RCAN1: variants seen among roughly 807,000 people sequenced by gnomAD.
RCAN1 encodes the protein regulator of calcineurin 1.
A neutral mutation model predicts 22.9 loss-of-function variants in RCAN1; 11 were observed. The observed-to-expected ratio is 0.48, with a 90% CI of 0.30 to 0.79. The LOEUF is 0.79. RCAN1 is among the 30% of genes least tolerant of loss of function. RCAN1 has a pLI of 0.06. For missense variants in RCAN1, 291 were observed against 337.8 expected (o/e 0.86, Z 1.09); for synonymous variants, 136 against 142.3 (o/e 0.96, Z 0.32).
intron 1 of RCAN1, among the ~76,000 whole-genome samples, chr21:34,575,266 C>T (rs888644729): frequency 2.6e-5 from 4 of 152,208 alleles, no homozygotes; most frequent in Non-Finnish European, 5.9e-5. Context: ...AAACACAGTT[C>T]ACCTTCTCCC....
intron 1 of RCAN1, among the ~76,000 whole-genome samples, chr21:34,570,045 C>A (rs1321456397): frequency 6.6e-6 from 1 of 152,250 alleles, no homozygotes; most frequent in Non-Finnish European, 1.5e-5. Flanking sequence ...CAACTACAGA[C>A]TAAAGTTGAA....
chr21:34,544,679 G>A (rs1986061793), intron 1 of RCAN1, among the ~76,000 whole-genome samples: 1 of 152,188 alleles, frequency 6.6e-6, no homozygotes, highest in African/African-American at 2.4e-5. Flanking sequence ...GTGTCACCCA[G>A]GCTGGTCTCA....
chr21:34,578,219 T>C (rs537917813), intron 1 of RCAN1, among the ~76,000 whole-genome samples: 1 of 152,290 alleles, frequency 6.6e-6, no homozygotes, highest in East Asian at 1.9e-4. Flanking sequence ...TCTGAGAGCT[T>C]ACCTTATGAT....
chr21:34,568,705 G>A lies in RCAN1; in HGVS notation c.253-44995C>T, dbSNP rs151225145. Among the ~76,000 whole-genome samples, 1,126 of 152,280 alleles carry A rather than the reference G, an allele frequency of 7.4e-3. 4 individuals carry two copies. Among genetic ancestry groups the A allele is most frequent in the Non-Finnish European group, 0.012 (783 of 68,022 alleles). On this transcript the variant is annotated intron_variant, in intron 1 of 3. Transcript: ENST00000313806. Reference sequence around the variant, plus strand: ...AGAACCAGCAGGCAGCGTGCACTTGGGCCTGCTTTCCAGTAGCTCTGAGAA... The same window carrying A: ...AGAACCAGCAGGCAGCGTGCACTTGAGCCTGCTTTCCAGTAGCTCTGAGAA...
At chr21:34,527,000 G>T in intron 1 of RCAN1, 1 of 1,289,332 alleles carries the variant, frequency 7.8e-7, no homozygotes, top group Non-Finnish European at 9.8e-7. Context: ...AAGAGGTGAC[G>T]TCAACACCTT....
intron 1 of RCAN1, among the ~76,000 whole-genome samples, chr21:34,582,961 CAGAG>C (rs149696064): frequency 2.0e-5 from 3 of 150,522 alleles, no homozygotes; most frequent in Middle Eastern, 3.5e-3. Context: ...TAAAGAGTGT[CAGAG>C]AGAGAGAGAG....
At position 34,594,460 on chromosome 21, in the gene RCAN1, G is replaced by A. The variant is rs116054666; in HGVS notation, c.252+20300C>T. Among the ~76,000 whole-genome samples the A allele has an allele frequency of 5.4e-3, 826 of 152,286 alleles. 9 individuals carry two copies. The highest frequency in any genetic ancestry group is 0.019 in the African/African-American group (790 of 41,558). On this transcript the variant is annotated intron_variant, in intron 1 of 3. Coordinates refer to ENST00000313806, the MANE Select transcript of RCAN1 (RefSeq NM_004414.7). Reference sequence around the variant, plus strand: ...CCAGTTACTCCAGAGGTTGGGACAGGAGAATCGCTTGAACCCAGGAGGCGG... The same window carrying A: ...CCAGTTACTCCAGAGGTTGGGACAGAAGAATCGCTTGAACCCAGGAGGCGG...
chr21:34,563,077 G>A (rs1986854615), intron 1 of RCAN1, among the ~76,000 whole-genome samples: 1 of 152,092 alleles, frequency 6.6e-6, no homozygotes. Flanking sequence ...ATTGATTGTG[G>A]TGTCCGCTGT....
At chr21:34,608,309 C>T (rs149924983) in intron 1 of RCAN1, among the ~76,000 whole-genome samples, 67 of 152,308 alleles carry the variant, frequency 4.4e-4, no homozygotes, top group Middle Eastern at 3.4e-3. Context: ...GGGATCCCCA[C>T]GTCCTGGTAT....
chr21:34,526,883 G>GAA, intron 1 of RCAN1: 2 of 1,433,778 alleles, frequency 1.4e-6, no homozygotes, highest in East Asian at 2.8e-5. Context: ...ACTCCCTGGG[G>GAA]AAAAAAAAAG....
chr21:34,593,436 A>C (rs1230806189), intron 1 of RCAN1, among the ~76,000 whole-genome samples: 2 of 152,238 alleles, frequency 1.3e-5, no homozygotes. Flanking sequence ...TCTTTATGAA[A>C]AAGACTTGGC....
intron 1 of RCAN1, among the ~76,000 whole-genome samples, chr21:34,591,327 G>A (rs1361631290): frequency 3.9e-5 from 6 of 152,154 alleles, no homozygotes; most frequent in African/African-American, 1.4e-4. Context: ...AACAAAGTAG[G>A]CTGAGGACAG....
At chr21:34,533,798 A>G (rs2123609385) in intron 1 of RCAN1, among the ~76,000 whole-genome samples, 1 of 152,312 alleles carries the variant, frequency 6.6e-6, no homozygotes, top group South Asian at 2.1e-4. Flanking sequence ...TGAGAAGGGG[A>G]CATGCGAGTG....
At chr21:34,591,734 T>C (rs904201817) in intron 1 of RCAN1, among the ~76,000 whole-genome samples, 6 of 152,350 alleles carry the variant, frequency 3.9e-5, no homozygotes, top group African/African-American at 1.4e-4. Flanking sequence ...GATCCATATG[T>C]TGCGCTAATA....
At chr21:34,565,016 A>T (rs1395088490) in intron 1 of RCAN1, among the ~76,000 whole-genome samples, 13 of 150,168 alleles carry the variant, frequency 8.7e-5, no homozygotes. Context: ...CCTGGGCAAC[A>T]AGTGAGACCC....
At chr21:34,542,084 C>A (rs957393281) in intron 1 of RCAN1, among the ~76,000 whole-genome samples, 6 of 152,040 alleles carry the variant, frequency 3.9e-5, no homozygotes, top group African/African-American at 1.5e-4. Context: ...TGCCTATAAA[C>A]AGAGGTGAGG....
At chr21:34,607,537 G>A (rs764877484) in intron 1 of RCAN1, among the ~76,000 whole-genome samples, 1 of 152,016 alleles carries the variant, frequency 6.6e-6, no homozygotes, top group African/African-American at 2.4e-5. Flanking sequence ...CTACAGGCGC[G>A]TGCCACCACA....
At chr21:34,598,991 A>T (rs1377918962) in intron 1 of RCAN1, among the ~76,000 whole-genome samples, 1 of 152,142 alleles carries the variant, frequency 6.6e-6, no homozygotes, top group Non-Finnish European at 1.5e-5. Context: ...ATTCAAAATG[A>T]TTTCTAATCC....
chr21:34,590,113 C>A lies in RCAN1; in HGVS notation c.252+24647G>T, dbSNP rs374375778. On this transcript the variant is annotated intron_variant, in intron 1 of 3. Transcript: ENST00000313806. ...GTCTGCCAGAGGCCCTTGTGCCAAC[C>A]ATTTCCTCTGCCTGGACCTTACCAG... Among the ~76,000 whole-genome samples the A allele has an allele frequency of 1.4e-4, 22 of 152,300 alleles. No homozygotes were observed. The South Asian group carries it at 4.6e-3, about 32-fold the overall frequency.
Sources: allele counts gnomAD v4.1 joint callset (sites outside exome capture counted in the v4.1 genomes callset), GRCh38; gene constraint gnomAD v4.1.1; transcripts MANE v1.5; gene names NCBI Gene and HGNC (gene_info 2026-07-23, HGNC 2026-07-21).